The following CRTAC1 variants were observed in gnomAD, a reference collection of about 807,000 sequenced individuals.
CRTAC1 encodes acidic secreted protein in cartilage.
Under a neutral mutation model 67.8 loss-of-function variants are expected in CRTAC1, and 37 were observed. That is an observed-to-expected ratio of 0.55 (90% CI 0.42 to 0.72). CRTAC1 has a LOEUF of 0.72. Ranked by LOEUF, CRTAC1 falls within the 30% of genes least tolerant of loss-of-function variation. The pLI, the probability that CRTAC1 is intolerant of heterozygous loss-of-function variation, is 0.00. For synonymous variants in CRTAC1, 348 were observed against 371.0 expected, an observed-to-expected ratio of 0.94 and a Z score of 0.71; for missense variants, 780 against 931.6, an observed-to-expected ratio of 0.84 and a Z score of 2.12.
intron 5 of CRTAC1, among the ~76,000 whole-genome samples, chr10:97,912,756 C>T (rs1305645879): frequency 6.6e-6 from 1 of 152,196 alleles, no homozygotes; most frequent in Non-Finnish European, 1.5e-5. Flanking sequence ...TGCACCTCCC[C>T]TCCTTCAGGA....
chr10:97,995,232 C>G (rs1842538640), intron 2 of CRTAC1, among the ~76,000 whole-genome samples: 1 of 152,194 alleles, frequency 6.6e-6, no homozygotes, highest in Admixed American at 6.5e-5. Context: ...CCAAGGACCA[C>G]AGTCTGGCCT....
chr10:97,893,189 A>G (rs562016193), intron 11 of CRTAC1, among the ~76,000 whole-genome samples: 3 of 152,368 alleles, frequency 2.0e-5, no homozygotes, highest in East Asian at 3.9e-4. Context: ...AATAAGTGAG[A>G]GTTACTATAT....
At chr10:97,987,539 AGGG>A (rs2136669283) in intron 2 of CRTAC1, among the ~76,000 whole-genome samples, 1 of 152,354 alleles carries the variant, frequency 6.6e-6, no homozygotes, top group South Asian at 2.1e-4. Context: ...AGGAAGGGAA[AGGG>A]GTCTGTGCTG....
Position 97,895,941 on chromosome 10 carries a change from T to A in CRTAC1, c.1261A>T (p.Ile421Phe), listed in dbSNP as rs1432740744. 6.2e-7 allele frequency: 1 copy of A among 1,614,132 alleles called. No homozygotes were observed. The highest frequency in any genetic ancestry group is 1.1e-5 in the South Asian group (1 of 91,078). The change falls in exon 10 of 15, where the codon ATC becomes TTC. Residue 421 changes from isoleucine (I) to phenylalanine (F), a missense_variant. Ile to Phe is a conservative substitution (Grantham distance 21). Coordinates refer to ENST00000370597, the MANE Select transcript of CRTAC1 (RefSeq NM_018058.7). This position sits in a 1 kb window ranked among gnomAD's most constrained non-coding sequence, Gnocchi z 4.2. ...GCCATGGACTCTCCATGGGACAAGA[T>A]GAGGTCCAGCATCCCGTCTCCGTCG... is the stretch of plus-strand genomic sequence containing the variant. ...DFDGDGMLDL[I>F]LSHGESMAQP...
intron 11 of CRTAC1, among the ~76,000 whole-genome samples, chr10:97,890,220 G>C (rs930098890): frequency 6.6e-6 from 1 of 152,110 alleles, no homozygotes; most frequent in African/African-American, 2.4e-5. Flanking sequence ...GGCCTTGAGC[G>C]ATCTTCCTGC....
chr10:97,877,504 G>GCT (rs2050161945), intron 14 of CRTAC1, among the ~76,000 whole-genome samples: 1 of 152,168 alleles, frequency 6.6e-6, no homozygotes. Context: ...CTAGAGCCTA[G>GCT]CTCAGTACCT....
At chr10:98,024,826 TAG>T (rs1427787362) in intron 1 of CRTAC1, among the ~76,000 whole-genome samples, 2 of 120,472 alleles carry the variant, frequency 1.7e-5, no homozygotes, top group Non-Finnish European at 3.2e-5. Context: ...CACACACTCA[TAG>T]AGAGGCATGG....
At chr10:97,972,415 C>G (rs2051730320) in intron 2 of CRTAC1, among the ~76,000 whole-genome samples, 1 of 152,138 alleles carries the variant, frequency 6.6e-6, no homozygotes, top group South Asian at 2.1e-4. Flanking sequence ...AAGCAGGGAG[C>G]CCGGTCTGCC....
Position 98,030,257 on chromosome 10 carries a change from G to A in CRTAC1, c.24+192C>T. 6.6e-6 allele frequency among the ~76,000 whole-genome samples: 1 copy of A among 152,112 alleles called. No homozygotes were observed. Reference sequence around the variant, plus strand: ...CGCCGCCTCACCCCCAGCCCGCGGGGGAGGCTCCGCGCGCCAATCGAGTCC... The same window carrying A: ...CGCCGCCTCACCCCCAGCCCGCGGGAGAGGCTCCGCGCGCCAATCGAGTCC... On this transcript the variant is annotated intron_variant, in intron 1 of 14. Coordinates refer to ENST00000370597, the MANE Select transcript of CRTAC1 (RefSeq NM_018058.7). This position sits in a 1 kb window ranked among gnomAD's most constrained non-coding sequence, Gnocchi z 4.2.
chr10:97,956,787 AC>A (rs2051448312), intron 2 of CRTAC1, among the ~76,000 whole-genome samples: 1 of 151,314 alleles, frequency 6.6e-6, no homozygotes, highest in Non-Finnish European at 1.5e-5. Flanking sequence ...GGCAGGGAGA[AC>A]TCTCTGGAGT....
intron 2 of CRTAC1, among the ~76,000 whole-genome samples, chr10:97,948,748 C>A (rs1322433861): frequency 1.3e-5 from 2 of 152,136 alleles, no homozygotes; most frequent in Non-Finnish European, 1.5e-5. Context: ...AAAGAACTGC[C>A]CGAGACTGGG....
At chr10:97,870,555 A>G (rs1224010336) in intron 14 of CRTAC1, 2 of 152,120 alleles carry the variant, frequency 1.3e-5, no homozygotes, top group African/African-American at 4.8e-5. Flanking sequence ...GAATTCACTG[A>G]GCTGTATACT....
intron 2 of CRTAC1, among the ~76,000 whole-genome samples, chr10:97,953,924 G>C (rs771095090): frequency 6.6e-6 from 1 of 152,122 alleles, no homozygotes; most frequent in Non-Finnish European, 1.5e-5. Flanking sequence ...CTCCTCGGCA[G>C]GTGTGATGGC....
intron 11 of CRTAC1, among the ~76,000 whole-genome samples, chr10:97,890,147 C>T (rs1298435081): frequency 6.6e-6 from 1 of 152,144 alleles, no homozygotes; most frequent in Non-Finnish European, 1.5e-5. Flanking sequence ...GACAGGCTCT[C>T]ACTCTGTTAC....
At chr10:97,986,375 A>G (rs1009718032) in intron 2 of CRTAC1, among the ~76,000 whole-genome samples, 6 of 152,200 alleles carry the variant, frequency 3.9e-5, no homozygotes, top group African/African-American at 1.2e-4. Context: ...CCTGGGGCCC[A>G]TGGGCACTCA....
At chr10:98,026,618 C>T (rs1007223097) in intron 1 of CRTAC1, among the ~76,000 whole-genome samples, 1 of 152,086 alleles carries the variant, frequency 6.6e-6, no homozygotes, top group Non-Finnish European at 1.5e-5. Context: ...CGGTGGTCCA[C>T]GTGATCCTGC....
At chr10:98,022,005 G>T (rs1307153407) in intron 1 of CRTAC1, among the ~76,000 whole-genome samples, 2 of 152,226 alleles carry the variant, frequency 1.3e-5, no homozygotes, top group Non-Finnish European at 2.9e-5. Flanking sequence ...ACCTCAAGGA[G>T]CTTACAATCT....
At chr10:97,907,253 G>A (rs1311058084) in intron 6 of CRTAC1, among the ~76,000 whole-genome samples, 1 of 152,204 alleles carries the variant, frequency 6.6e-6, no homozygotes, top group Non-Finnish European at 1.5e-5. Context: ...AGCAGGAGGA[G>A]GAAGGACCAG....
At position 97,989,662 on chromosome 10, in the gene CRTAC1, T is replaced by C. The variant is rs565389552; in HGVS notation, c.224+21476A>G. Reference sequence around the variant, plus strand: ...GTTGCATGCCATAACTCCTATTAGTTCTTTTCTCTTATTGGAGAACTTTAA... The same window carrying C: ...GTTGCATGCCATAACTCCTATTAGTCCTTTTCTCTTATTGGAGAACTTTAA... On this transcript the variant is annotated intron_variant, in intron 2 of 14. Transcript: ENST00000370597. 4.1e-4 allele frequency among the ~76,000 whole-genome samples: 63 copies of C among 152,384 alleles called. 2 individuals are homozygous for C. The highest frequency in any genetic ancestry group is 3.9e-3 in the South Asian group (19 of 4,828).
Sources: gnomAD v4.1 joint callset for allele counts (sites outside exome capture counted in the v4.1 genomes callset) on GRCh38, gnomAD v4.1.1 for gene constraint, Gnocchi (gnomAD v3.1) non-coding constraint, MANE v1.5 for transcripts, NCBI Gene and HGNC (gene_info 2026-07-23, HGNC 2026-07-21) for gene names.